Variants in ARL15 observed in about 807,000 individuals in gnomAD.
The protein encoded by ARL15 is ADP-ribosylation factor-like protein 15.
In ARL15, 19 loss-of-function variants were observed where a neutral mutation model predicts 25.2. The observed-to-expected ratio is 0.75, with a 90% CI of 0.53 to 1.10. The LOEUF is 1.10. ARL15 is among the 50% of genes least tolerant of loss of function. The pLI is 0.00. For missense variants in ARL15, 220 were observed against 246.0 expected, an observed-to-expected ratio of 0.89 and a Z score of 0.71; for synonymous variants, 94 against 86.8, an observed-to-expected ratio of 1.08 and a Z score of -0.46.
At position 54,204,750 on chromosome 5, in the gene ARL15, G is replaced by A. The variant is rs564206552; in HGVS notation, c.49-32822C>T. On this transcript the variant is annotated intron_variant, in intron 1 of 4. Coordinates refer to ENST00000504924, the MANE Select transcript of ARL15 (RefSeq NM_019087.3). ...ACACCGTAGGTATTGTGGATCAAAG[G>A]CCATAATTAAAGGATCAGTTCTGAA... 2.0e-5 allele frequency among the ~76,000 whole-genome samples: 3 copies of A among 152,232 alleles called. No individual in the cohort carries two copies. The South Asian group carries it at 6.2e-4, about 32-fold the overall frequency.
chr5:53,938,290 C>A (rs1049298384), intron 4 of ARL15, among the ~76,000 whole-genome samples: 3 of 151,810 alleles, frequency 2.0e-5, no homozygotes, highest in Non-Finnish European at 2.9e-5. Context: ...CTTATAATGC[C>A]TGTGACACCA....
intron 4 of ARL15, among the ~76,000 whole-genome samples, chr5:53,915,099 C>T (rs951749922): frequency 9.9e-5 from 15 of 152,244 alleles, no homozygotes; most frequent in Admixed American, 6.5e-5. Flanking sequence ...GCATGAGCCA[C>T]TGCATCTGGT....
At chr5:54,099,221 A>G (rs1168396761) in intron 4 of ARL15, among the ~76,000 whole-genome samples, 1 of 152,178 alleles carries the variant, frequency 6.6e-6, no homozygotes, top group Non-Finnish European at 1.5e-5. Flanking sequence ...CTACTAATAT[A>G]ACAGTACCGC....
intron 1 of ARL15, among the ~76,000 whole-genome samples, chr5:54,185,231 T>A (rs986321341): frequency 1.1e-4 from 16 of 152,114 alleles, no homozygotes; most frequent in African/African-American, 3.9e-4. Context: ...TCTTTCCGGC[T>A]CCATGTCAGT....
intron 1 of ARL15, among the ~76,000 whole-genome samples, chr5:54,253,889 C>G (rs1327907623): frequency 6.6e-6 from 1 of 152,038 alleles, no homozygotes; most frequent in African/African-American, 2.4e-5. Context: ...CATGCCCAGC[C>G]CAGATGATAC....
intron 4 of ARL15, among the ~76,000 whole-genome samples, chr5:53,917,757 T>C (rs1745701347): frequency 6.6e-6 from 1 of 152,338 alleles, no homozygotes; most frequent in South Asian, 2.1e-4. Context: ...GCATTGCCTC[T>C]GGAAGGCTTT....
At chr5:54,096,400 A>ACATTT (rs984673846) in intron 4 of ARL15, among the ~76,000 whole-genome samples, 2 of 152,176 alleles carry the variant, frequency 1.3e-5, no homozygotes, top group East Asian at 1.9e-4. Flanking sequence ...ATGAGCAATG[A>ACATTT]CATTTCATTT....
rs1167894259 is a variant in ARL15, at chr5:54,259,470, C to G, written c.48+50962G>C. On this transcript the variant is annotated intron_variant, in intron 1 of 4. Transcript: ENST00000504924. ...TTTCTATTAGCTTATTTATCCCACA[C>G]ATCTTCTCCTTCCCAATACTGAAAC... 2.0e-5 allele frequency among the ~76,000 whole-genome samples: 3 copies of G among 152,176 alleles called. No individual in the cohort carries two copies. In the East Asian group the frequency reaches 5.8e-4, roughly 29 times the overall value.
rs1754729751 is a variant in ARL15 at position 54,171,888 on chromosome 5, C to T, written c.89G>A (p.Arg30Gln). 1.9e-6 allele frequency: 3 copies of T among 1,613,506 alleles called. No homozygotes were observed. The highest frequency in any genetic ancestry group is 3.3e-5 in the Admixed American group (2 of 60,000). Residue 30 changes from arginine to glutamine, a missense_variant, in exon 2 of 5, where the codon CGA becomes CAA. Physicochemically the swap from Arg to Gln is conservative, Grantham distance 43. Transcript: ENST00000504924. ...ALCCKGPPPA[R>Q]PEYDLVCIGL... Reference sequence around the variant, plus strand: ...TATGCAAACCAGGTCATATTCTGGTCGTGCAGGTGGTGGTCCCTTGCAGCA... The same window carrying T: ...TATGCAAACCAGGTCATATTCTGGTTGTGCAGGTGGTGGTCCCTTGCAGCA...
At chr5:54,246,560 C>T (rs2112587381) in intron 1 of ARL15, among the ~76,000 whole-genome samples, 1 of 152,232 alleles carries the variant, frequency 6.6e-6, no homozygotes, top group Middle Eastern at 3.4e-3. Flanking sequence ...CCCAGGCACC[C>T]AGCCAGAGAC....
chr5:54,182,466 C>T (rs543315763), intron 1 of ARL15, among the ~76,000 whole-genome samples: 21 of 151,160 alleles, frequency 1.4e-4, no homozygotes, highest in Non-Finnish European at 2.4e-4. Flanking sequence ...TGTAGGTATG[C>T]GGCGTTATTT....
intron 1 of ARL15, among the ~76,000 whole-genome samples, chr5:54,228,228 T>C (rs568991176): frequency 6.6e-6 from 1 of 152,286 alleles, no homozygotes; most frequent in South Asian, 2.1e-4. Flanking sequence ...TCAGAAAGCC[T>C]GGTGTCCACT....
At chr5:53,939,475 G>A (rs1746460868) in intron 4 of ARL15, among the ~76,000 whole-genome samples, 1 of 152,170 alleles carries the variant, frequency 6.6e-6, no homozygotes, top group South Asian at 2.1e-4. Flanking sequence ...GATGGCTCAC[G>A]CCTATAACCC....
intron 4 of ARL15, among the ~76,000 whole-genome samples, chr5:53,920,059 T>C (rs941480742): frequency 6.6e-6 from 1 of 152,170 alleles, no homozygotes; most frequent in African/African-American, 2.4e-5. Context: ...GGTAGCTTTA[T>C]GAATAAAATT....
chr5:54,170,583 A>T (rs144695050), intron 2 of ARL15, among the ~76,000 whole-genome samples: 16 of 152,092 alleles, frequency 1.1e-4, no homozygotes, highest in African/African-American at 3.9e-4. Flanking sequence ...AATCTGTTTG[A>T]CACTCCTTAC....
At chr5:54,260,691 C>G (rs1341850948) in intron 1 of ARL15, among the ~76,000 whole-genome samples, 1 of 152,172 alleles carries the variant, frequency 6.6e-6, no homozygotes, top group East Asian at 1.9e-4. Context: ...GGGCAGAGTG[C>G]TCTAAACAGG....
chr5:54,134,224 T>C (rs1283958285), intron 3 of ARL15, among the ~76,000 whole-genome samples: 4 of 152,224 alleles, frequency 2.6e-5, no homozygotes, highest in African/African-American at 9.6e-5. Flanking sequence ...TCTCAGCTCC[T>C]TTTGGACTGA....
At chr5:54,248,607 C>G (rs1187480005) in intron 1 of ARL15, among the ~76,000 whole-genome samples, 1 of 152,210 alleles carries the variant, frequency 6.6e-6, no homozygotes, top group South Asian at 2.1e-4. Context: ...ATCTGACATT[C>G]TTTCATTTAC....
intron 4 of ARL15, among the ~76,000 whole-genome samples, chr5:54,004,753 G>A (rs1271503029): frequency 6.6e-6 from 1 of 151,880 alleles, no homozygotes; most frequent in Non-Finnish European, 1.5e-5. Context: ...AGGGGTACGA[G>A]CATCTGCGAT....
Sources: allele counts gnomAD v4.1 joint callset (sites outside exome capture counted in the v4.1 genomes callset), GRCh38; gene constraint gnomAD v4.1.1; transcripts MANE v1.5; gene names NCBI Gene and HGNC (gene_info 2026-07-23, HGNC 2026-07-21).